The following AGL variants were observed in gnomAD, a reference collection of about 807,000 sequenced individuals.
The protein encoded by AGL is amylo-alpha-1,6-glucosidase and 4-alpha-glucanotransferase.
A neutral mutation model predicts 199.3 loss-of-function variants in AGL; 128 were observed. The observed-to-expected ratio is 0.64, with a 90% CI of 0.56 to 0.74. AGL has a LOEUF of 0.74. Ranked by LOEUF, AGL falls within the 30% of genes least tolerant of loss-of-function variation. The pLI is 0.00. For synonymous variants in AGL, 584 were observed against 594.7 expected (o/e 0.98, Z 0.26); for missense variants, 1,809 against 1,820.8 (o/e 0.99, Z 0.12).
At chr1:99,898,754 C>A (rs916544850) in intron 25 of AGL, among the ~76,000 whole-genome samples, 2 of 152,098 alleles carry the variant, frequency 1.3e-5, no homozygotes, top group Admixed American at 6.6e-5. Flanking sequence ...GCTGGGGGAA[C>A]ACACCTATTC....
intron 27 of AGL, among the ~76,000 whole-genome samples, chr1:99,908,928 C>T (rs1654525420): frequency 6.6e-6 from 1 of 152,126 alleles, no homozygotes; most frequent in Non-Finnish European, 1.5e-5. Context: ...GTGTAATTTA[C>T]TTCTCAAACC....
rs369650549 is a variant in AGL at position 99,868,742 on chromosome 1, ACTGCACTC to A, written c.665-1646_665-1639del. On this transcript the variant is annotated intron_variant, in intron 5 of 33. Coordinates refer to ENST00000361915, the MANE Select transcript of AGL (RefSeq NM_000642.3). Reference sequence around the variant, plus strand: ...GGCTGCAGTGAGCTATGATTGCACCACTGCACTCCTGCACTCCTGGGTGATGGAGAAAG... The same window carrying A: ...GGCTGCAGTGAGCTATGATTGCACCACTGCACTCCTGGGTGATGGAGAAAG... Among the ~76,000 whole-genome samples the A allele has an allele frequency of 3.1e-3, 471 of 152,114 alleles. 2 individuals are homozygous for A. The highest frequency in any genetic ancestry group is 0.011 in the African/African-American group (459 of 41,496).
Position 99,913,630 on chromosome 1 carries a change from G to A in AGL, c.4053G>A (p.Lys1351=), listed in dbSNP as rs1570511119. The stretch of plus-strand genomic sequence containing the variant: ...AAGACCCTTCAGATTTAAATGAAAA[G>A]CATCCAAATCTGGTTCACAAACGTG... ...VSEDPSDLNE[K]HPNLVHKRGI... The change falls in exon 30 of 34, where the codon AAG becomes AAA. Residue 1351 remains lysine (K), a synonymous_variant. Coordinates refer to ENST00000361915, the MANE Select transcript of AGL (RefSeq NM_000642.3). 6.2e-7 allele frequency: 1 copy of A among 1,614,006 alleles called. No individual in the cohort carries two copies. The highest frequency in any genetic ancestry group is 8.5e-7 in the Non-Finnish European group (1 of 1,179,906).
chr1:99,860,465 T>G (rs492032), intron 2 of AGL, among the ~76,000 whole-genome samples: 2 of 152,016 alleles, frequency 1.3e-5, no homozygotes, highest in Non-Finnish European at 2.9e-5. Context: ...TCAGTATTTT[T>G]GTATTCTAAT....
Position 99,910,773 on chromosome 1 carries a change from C to A in AGL, c.3762C>A (p.Phe1254Leu), listed in dbSNP as rs1324875747. The A allele has an allele frequency of 8.7e-6, 14 of 1,612,604 alleles. No homozygotes were observed. The highest frequency in any genetic ancestry group is 1.1e-5 in the Non-Finnish European group (13 of 1,179,124). The change falls in exon 28 of 34, where the codon TTC becomes TTA. Residue 1254 changes from phenylalanine (F) to leucine (L), a missense_variant. Transcript: ENST00000361915. ...ETGFVYGGNR[F>L]NCGTWMDKMG... is the part of the protein sequence containing the mutation. Reference sequence around the variant, plus strand: ...GATTTGTTTATGGAGGAAATCGTTTCAATTGTGGCACATGGATGGATAAAA... The same window carrying A: ...GATTTGTTTATGGAGGAAATCGTTTAAATTGTGGCACATGGATGGATAAAA...
chr1:99,899,763 G>A (rs1032101737), intron 25 of AGL, among the ~76,000 whole-genome samples: 5 of 152,086 alleles, frequency 3.3e-5, no homozygotes, highest in South Asian at 2.1e-4. Context: ...TGGGATTACA[G>A]GTGCCTGCCA....
At chr1:99,915,245 G>T in intron 30 of AGL, 144 bp from the exon 31 acceptor site, 1 of 723,156 alleles carries the variant, frequency 1.4e-6, no homozygotes. Flanking sequence ...CATAGGATTA[G>T]ATCTGTTTAG....
intron 5 of AGL, among the ~76,000 whole-genome samples, chr1:99,869,233 G>A (rs184436242): frequency 4.6e-5 from 7 of 152,130 alleles, no homozygotes; most frequent in African/African-American, 1.4e-4. Flanking sequence ...GATGAATCTC[G>A]GAGGAACTAC....
intron 7 of AGL, among the ~76,000 whole-genome samples, chr1:99,871,433 G>A (rs1331454820): frequency 2.7e-5 from 4 of 146,960 alleles, no homozygotes; most frequent in East Asian, 2.1e-4. Context: ...CAACAAAATA[G>A]GGTAGGAAAA....
intron 25 of AGL, among the ~76,000 whole-genome samples, chr1:99,899,053 T>G (rs1443651664): frequency 6.6e-6 from 1 of 152,144 alleles, no homozygotes; most frequent in African/African-American, 2.4e-5. Context: ...AAGACCAGCC[T>G]GGGCAACAGG....
At chr1:99,857,246 A>G (rs1385475748) in intron 2 of AGL, among the ~76,000 whole-genome samples, 1 of 150,220 alleles carries the variant, frequency 6.7e-6, no homozygotes, top group Non-Finnish European at 1.5e-5. Flanking sequence ...CCCACATCTC[A>G]GACGATGGGC....
In AGL at chr1:99,851,060, G is replaced by C. The variant is rs1469251200; in HGVS notation, c.18G>C (p.Gln6His). 1 of 1,613,594 alleles carries C rather than the reference G, an allele frequency of 6.2e-7. No individual in the cohort carries two copies. The highest frequency in any genetic ancestry group is 8.5e-7 in the Non-Finnish European group (1 of 1,179,468). MGHSK[Q>H]IRILLLNEME... ...AAGCCAAAATGGGACACAGTAAACAGATTCGAATTTTACTTCTGAACGAAA... is the reference window on the plus strand; with the variant it reads ...AAGCCAAAATGGGACACAGTAAACACATTCGAATTTTACTTCTGAACGAAA... The change falls in exon 2 of 34, where the codon CAG becomes CAC. Residue 6 changes from glutamine (Q) to histidine (H), a missense_variant. Physicochemically the swap from Gln to His is conservative, Grantham distance 24. Transcript: ENST00000361915.
At position 99,884,362 on chromosome 1, in the gene AGL, A is replaced by G; in HGVS notation, c.2457A>G (p.Lys819=). Residue 819 remains lysine, a synonymous_variant, in exon 19 of 34, where the codon AAA becomes AAG. Coordinates refer to ENST00000361915, the MANE Select transcript of AGL (RefSeq NM_000642.3). ...AGCTTAATGAAAGTAAAATTGTTAA[A>G]CAAGCTGGAGTTGCCACAAAAGGGC... ...HIQLNESKIV[K]QAGVATKGPN... is the part of the protein sequence containing the mutation. 1 of 1,613,444 alleles carries G rather than the reference A, an allele frequency of 6.2e-7. No individual in the cohort carries two copies.
chr1:99,862,540 C>A, intron 4 of AGL, 117 bp downstream of exon 4: 1 of 1,088,010 alleles, frequency 9.2e-7, no homozygotes, highest in Non-Finnish European at 1.4e-6. Flanking sequence ...TAAAGAACTA[C>A]CTGAGACTGG....
In AGL at chr1:99,880,754, C is replaced by T; in HGVS notation, c.1858C>T (p.Leu620=). 1 of 1,614,004 alleles carries T rather than the reference C, an allele frequency of 6.2e-7. No individual in the cohort carries two copies. Reference sequence around the variant, plus strand: ...TTTAATGCCAGCTATTGCACATGCCCTGTTTATGGATATTACGCATGATAA... The same window carrying T: ...TTTAATGCCAGCTATTGCACATGCCTTGTTTATGGATATTACGCATGATAA... ...RPLMPAIAHA[L]FMDITHDNEC... is the part of the protein sequence containing the mutation. Residue 620 remains leucine (L), a synonymous_variant, in exon 14 of 34, where the codon CTG becomes TTG. Coordinates refer to ENST00000361915, the MANE Select transcript of AGL (RefSeq NM_000642.3).
chr1:99,858,723 T>G (rs1218409974), intron 2 of AGL, among the ~76,000 whole-genome samples: 3 of 152,152 alleles, frequency 2.0e-5, no homozygotes, highest in African/African-American at 7.2e-5. Context: ...CTTTTTAAAA[T>G]AATGAAATTT....
intron 5 of AGL, among the ~76,000 whole-genome samples, chr1:99,866,861 C>T (rs1280718774): frequency 6.6e-6 from 1 of 151,484 alleles, no homozygotes; most frequent in African/African-American, 2.4e-5. Context: ...TCTTGTTGCC[C>T]AGGCTGGAGT....
chr1:99,880,455 T>C (rs1192548840), intron 13 of AGL, among the ~76,000 whole-genome samples, 177 bp from the exon 14 acceptor site: 5 of 152,222 alleles, frequency 3.3e-5, no homozygotes, highest in Admixed American at 3.3e-4. Flanking sequence ...AGTTAAGTTA[T>C]GGGGAAAACT....
rs766138863 is a variant in AGL at position 99,877,758 on chromosome 1, A to G, written c.1541A>G (p.Glu514Gly). 67 of 1,614,014 alleles carry G rather than the reference A, an allele frequency of 4.2e-5. No individual in the cohort carries two copies. Among genetic ancestry groups the G allele is most frequent in the Non-Finnish European group, 5.6e-5 (66 of 1,180,000 alleles). ...TGGGCACACATGAAAAAATACACTG[A>G]AATAACTGCAACTTATTTCCAGGGA... is the stretch of plus-strand genomic sequence containing the variant. ...YLWAHMKKYT[E>G]ITATYFQGVR... is the part of the protein sequence containing the mutation. The change falls in exon 12 of 34, where the codon GAA (glutamate) becomes GGA (glycine). Residue 514 changes from glutamate (E) to glycine (G), a missense_variant. Coordinates refer to ENST00000361915, the MANE Select transcript of AGL (RefSeq NM_000642.3).
Sources: allele counts gnomAD v4.1 joint callset (sites outside exome capture counted in the v4.1 genomes callset), GRCh38; gene constraint gnomAD v4.1.1; transcripts MANE v1.5; gene names NCBI Gene and HGNC (gene_info 2026-07-23, HGNC 2026-07-21).